Variants in PITPNM2 observed in about 807,000 individuals in gnomAD.
The protein encoded by PITPNM2 is membrane-associated phosphatidylinositol transfer protein 2.
Under a neutral mutation model 132.2 loss-of-function variants are expected in PITPNM2, and 35 were observed. The observed-to-expected ratio is 0.26, with a 90% CI of 0.20 to 0.35. The LOEUF (loss-of-function observed/expected upper bound fraction) is 0.35. Among genes scored for constraint, PITPNM2 ranks in the 10% least tolerant of loss-of-function variants. The pLI is 1.00. For missense variants in PITPNM2, 1,332 were observed against 1,912.0 expected (o/e 0.70, Z 5.66); for synonymous variants, 738 against 799.2 (o/e 0.92, Z 1.29).
At chr12:123,112,849 T>C (rs1393470266) in intron 1 of PITPNM2, among the ~76,000 whole-genome samples, 2 of 152,122 alleles carry the variant, frequency 1.3e-5, no homozygotes, top group Non-Finnish European at 2.9e-5. Flanking sequence ...AAATCTTCAA[T>C]ATACTGCTTG....
chr12:123,144,411 T>C (rs187996269), intron 1 of PITPNM2, among the ~76,000 whole-genome samples: 2 of 152,312 alleles, frequency 1.3e-5, no homozygotes, highest in Admixed American at 1.3e-4. Context: ...AATGAATCAA[T>C]GATACATATT....
rs373270143 is a variant in PITPNM2, at chr12:123,009,941, G to T, written c.552C>A (p.Val184=). Residue 184 remains valine, a synonymous_variant, in exon 6 of 26, where the codon GTC becomes GTA. Coordinates refer to ENST00000320201, the MANE Select transcript of PITPNM2 (RefSeq NM_020845.3). This position sits in a 1 kb window ranked among gnomAD's most constrained non-coding sequence, Gnocchi z 4.8. ...ENWIEEYKKQ[V]FPIMCAYKLC... ...GCTTGTATGCGCACATGATGGGGAAGACCTGCTTCTTGTACTCCTCGATCC... is the reference window on the plus strand; with the variant it reads ...GCTTGTATGCGCACATGATGGGGAATACCTGCTTCTTGTACTCCTCGATCC... The T allele has an allele frequency of 2.8e-5, 45 of 1,614,114 alleles. No homozygotes were observed. The highest frequency in any genetic ancestry group is 3.6e-5 in the Non-Finnish European group (43 of 1,180,056).
At position 122,989,945 on chromosome 12, in the gene PITPNM2, G is replaced by A; in HGVS notation, c.2573C>T (p.Ala858Val). The stretch of plus-strand genomic sequence containing the variant: ...GGGGGTATGGCTGAGCGCATCGGGG[G>A]CCTCTGAGAAGCAAGAGCAATGGAT... ...SYTASSIAQKAPDALSHTPSV... is the reference protein window; with the variant it reads ...SYTASSIAQKVPDALSHTPSV... Residue 858 changes from alanine to valine, a missense_variant, in exon 18 of 26, where the codon GCC becomes GTC. Physicochemically the swap from Ala to Val is moderately conservative, Grantham distance 64. Transcript: ENST00000320201. The A allele has an allele frequency of 1.5e-6, 2 of 1,302,994 alleles. No homozygotes were observed. Among genetic ancestry groups the A allele is most frequent in the Non-Finnish European group, 2.0e-6 (2 of 1,021,362 alleles). 80.7% of individuals were successfully genotyped at this position (1,302,994 alleles called of 1,614,324 possible). A position where few individuals can be genotyped will look rare whatever the true frequency, so the allele number is the denominator to read the frequency against.
intron 2 of PITPNM2, among the ~76,000 whole-genome samples, chr12:123,079,267 A>G (rs912422070): frequency 6.6e-6 from 1 of 151,758 alleles, no homozygotes; most frequent in Non-Finnish European, 1.5e-5. Flanking sequence ...GCCCTGACAC[A>G]GAGACATCTA....
Position 122,992,631 on chromosome 12 carries a change from G to A in PITPNM2, c.2272C>T (p.Leu758Phe), listed in dbSNP as rs2038244434. 2 of 1,589,220 alleles carry A rather than the reference G, an allele frequency of 1.3e-6. No individual in the cohort carries two copies. Among genetic ancestry groups the A allele is most frequent in the Non-Finnish European group, 1.7e-6 (2 of 1,166,082 alleles). ...GCTGACGGGTCCGCGGGGTGGAAGA[G>A]GTTGTAGACTTGCTGGCAGGCCGGC... ...LRPACQQVYN[L>F]FHPADPSASR... The change falls in exon 16 of 26, where the codon CTC becomes TTC. Residue 758 changes from leucine to phenylalanine, a missense_variant. By Grantham distance (22) the Leu-to-Phe change is conservative (BLOSUM62 0). Around this residue, in one of 6 missense-constraint regions of PITPNM2, gnomAD observed 710 missense variants for 911.5 expected, o/e 0.78. Transcript: ENST00000320201. This position sits in a 1 kb window ranked among gnomAD's most constrained non-coding sequence, Gnocchi z 6.5.
chr12:123,066,354 C>T (rs1015944349), intron 2 of PITPNM2, among the ~76,000 whole-genome samples: 2 of 152,112 alleles, frequency 1.3e-5, no homozygotes, highest in African/African-American at 4.8e-5. Flanking sequence ...GGTGAGGGGC[C>T]GTCACTGTAG....
At chr12:123,025,213 T>A (rs1221817046) in intron 3 of PITPNM2, among the ~76,000 whole-genome samples, 1 of 152,224 alleles carries the variant, frequency 6.6e-6, no homozygotes, top group Non-Finnish European at 1.5e-5. Context: ...CAGGTGTGTA[T>A]GTGTGCGTGC....
intron 2 of PITPNM2, among the ~76,000 whole-genome samples, chr12:123,109,528 G>T (rs2042792503): frequency 6.6e-6 from 1 of 152,222 alleles, no homozygotes; most frequent in South Asian, 2.1e-4. Context: ...CATCCAGAGG[G>T]ATGGTGCATT....
intron 11 of PITPNM2, among the ~76,000 whole-genome samples, 184 bp downstream of exon 11, chr12:122,997,141 G>A (rs2038465188): frequency 6.6e-6 from 1 of 152,242 alleles, no homozygotes; most frequent in Admixed American, 6.5e-5. Flanking sequence ...CATGGGCCCA[G>A]GCCTCCTGGG....
chr12:123,145,435 C>A (rs985310104), intron 1 of PITPNM2, among the ~76,000 whole-genome samples: 1 of 152,106 alleles, frequency 6.6e-6, no homozygotes, highest in Non-Finnish European at 1.5e-5. Flanking sequence ...TTTCCCTGGA[C>A]CCATGACTCC....
At chr12:123,093,461 TACACACACGCACAC>T (rs1203971470) in intron 2 of PITPNM2, among the ~76,000 whole-genome samples, 1 of 146,852 alleles carries the variant, frequency 6.8e-6, no homozygotes, top group Admixed American at 6.6e-5. Flanking sequence ...TATTTAAAAA[TACACACACGCACAC>T]ACACACACGC....
chr12:123,151,618 GCAGCCGTCCCGGTCCC>G (rs1472041082), upstream of PITPNM2, among the ~76,000 whole-genome samples: 3 of 152,116 alleles, frequency 2.0e-5, no homozygotes, highest in Non-Finnish European at 2.9e-5. Flanking sequence ...AGCCGGGAGC[GCAGCCGTCCCGGTCCC>G]CACCTCAGGG....
chr12:123,111,828 G>T lies in PITPNM2; in HGVS notation c.-199-1340C>A, dbSNP rs890164213. On this transcript the variant is annotated intron_variant, in intron 1 of 25. Coordinates refer to ENST00000320201, the MANE Select transcript of PITPNM2 (RefSeq NM_020845.3). This position sits in a 1 kb window ranked among gnomAD's most constrained non-coding sequence, Gnocchi z 4.1. Reference sequence around the variant, plus strand: ...AGGTCCCAGCCCTCCCAGTGACCATGAGCAAGCTGGCCTTCCAGCCTTGCC... The same window carrying T: ...AGGTCCCAGCCCTCCCAGTGACCATTAGCAAGCTGGCCTTCCAGCCTTGCC... Among the ~76,000 whole-genome samples the T allele has an allele frequency of 1.3e-5, 2 of 152,240 alleles. No homozygotes were observed. The highest frequency in any genetic ancestry group is 2.4e-5 in the African/African-American group (1 of 41,458).
chr12:123,124,176 G>C (rs1171607501), intron 1 of PITPNM2, among the ~76,000 whole-genome samples: 1 of 151,740 alleles, frequency 6.6e-6, no homozygotes, highest in Non-Finnish European at 1.5e-5. Flanking sequence ...GAATCGCTTG[G>C]ACCCAGGAGG....
chr12:123,084,063 G>A (rs1490498918), intron 2 of PITPNM2: 2 of 152,436 alleles, frequency 1.3e-5, no homozygotes, highest in Non-Finnish European at 1.5e-5. Flanking sequence ...GAGTCACAGG[G>A]TTGGGGTGAC....
chr12:123,139,236 C>T (rs958002197), intron 1 of PITPNM2, among the ~76,000 whole-genome samples: 2 of 152,170 alleles, frequency 1.3e-5, no homozygotes, highest in African/African-American at 4.8e-5. Flanking sequence ...CACGGTGGCT[C>T]ACACCTGTAA....
At chr12:123,094,758 C>A (rs2042362870) in intron 2 of PITPNM2, among the ~76,000 whole-genome samples, 1 of 152,152 alleles carries the variant, frequency 6.6e-6, no homozygotes, top group Non-Finnish European at 1.5e-5. Flanking sequence ...CAGGTGGGGC[C>A]GAGGGCAGGG....
At chr12:123,119,986 G>C (rs1164143480) in intron 1 of PITPNM2, among the ~76,000 whole-genome samples, 1 of 152,104 alleles carries the variant, frequency 6.6e-6, no homozygotes, top group Non-Finnish European at 1.5e-5. Flanking sequence ...TGAGTATGGT[G>C]AAGTCGTGTT....
chr12:123,089,273 C>T (rs2042197366), intron 2 of PITPNM2: 1 of 152,176 alleles, frequency 6.6e-6, no homozygotes, highest in African/African-American at 2.4e-5. Flanking sequence ...CTAGGTGAGC[C>T]AGAGGGCACT....
Sources: gnomAD v4.1 joint callset for allele counts (sites outside exome capture counted in the v4.1 genomes callset) on GRCh38, gnomAD v4.1.1 for gene constraint, gnomAD v4.1.1 regional missense constraint, Gnocchi (gnomAD v3.1) non-coding constraint, MANE v1.5 for transcripts, NCBI Gene and HGNC (gene_info 2026-07-23, HGNC 2026-07-21) for gene names.